SDK1: variants seen among roughly 807,000 people sequenced by gnomAD.
SDK1 encodes the protein protein sidekick-1.
A neutral mutation model predicts 245.5 loss-of-function variants in SDK1; 157 were observed. The ratio of observed to expected loss-of-function variants is 0.64; its 90% CI spans 0.56 to 0.73. SDK1 has a LOEUF of 0.73. Ranked by LOEUF, SDK1 falls within the 30% of genes least tolerant of loss-of-function variation. The probability of loss-of-function intolerance (pLI) is 0.00; values close to 1 mark genes in which losing one functional copy is unlikely to be tolerated. For synonymous variants in SDK1, 1,647 were observed against 1,278.5 expected, an observed-to-expected ratio of 1.29 and a Z score of -6.15; for missense variants, 3,583 against 3,002.3, an observed-to-expected ratio of 1.19 and a Z score of -4.52.
intron 1 of SDK1, among the ~76,000 whole-genome samples, chr7:3,313,555 A>G (rs1186569745): frequency 6.6e-6 from 1 of 152,192 alleles, no homozygotes; most frequent in Non-Finnish European, 1.5e-5. Flanking sequence ...GCATTGTTGC[A>G]ATGTGCCCCT....
At chr7:3,431,126 C>A (rs972042303) in intron 1 of SDK1, among the ~76,000 whole-genome samples, 20 of 152,256 alleles carry the variant, frequency 1.3e-4, no homozygotes, top group African/African-American at 4.3e-4. Context: ...GTCTCAAACT[C>A]CTGAGCTCAA....
At chr7:3,478,975 A>G (rs1460023243) in intron 1 of SDK1, among the ~76,000 whole-genome samples, 3 of 152,140 alleles carry the variant, frequency 2.0e-5, no homozygotes, top group African/African-American at 7.2e-5. Flanking sequence ...AAATGTCATA[A>G]TGTTTTTTGA....
rs555087995 is a variant in SDK1, at chr7:4,245,586, C to A, written c.6252-90C>A. The A allele has an allele frequency of 4.7e-6, 7 of 1,474,006 alleles. No individual in the cohort carries two copies. In the African/African-American group the frequency reaches 5.6e-5, roughly 12 times the overall value. 91.3% of individuals were successfully genotyped at this position (1,474,006 alleles called of 1,614,324 possible). On this transcript the variant is annotated intron_variant, in intron 43 of 44. Coordinates refer to ENST00000404826, the MANE Select transcript of SDK1 (RefSeq NM_152744.4). ...GGCTGTGGGTTTCCTCTTAGTCCAA[C>A]GCAATAAAGGCCAAATGCCAGGTTA... is the stretch of plus-strand genomic sequence containing the variant.
chr7:3,367,436 A>T (rs1013002546), intron 1 of SDK1, among the ~76,000 whole-genome samples: 7 of 152,238 alleles, frequency 4.6e-5, no homozygotes, highest in African/African-American at 1.7e-4. Context: ...ACAGGGCATC[A>T]TTCCAGGTCC....
chr7:3,443,714 GCTCT>G (rs1254650629), intron 1 of SDK1, among the ~76,000 whole-genome samples: 1 of 152,176 alleles, frequency 6.6e-6, no homozygotes, highest in Non-Finnish European at 1.5e-5. Context: ...GTTAAATTCA[GCTCT>G]GAGTGACCTT....
intron 5 of SDK1, among the ~76,000 whole-genome samples, chr7:3,903,795 T>A (rs1397283678): frequency 6.6e-6 from 1 of 152,104 alleles, no homozygotes; most frequent in Non-Finnish European, 1.5e-5. Flanking sequence ...ATGGGAGGTG[T>A]TTGGGTCACG....
chr7:4,097,476 G>A (rs1782227421), intron 22 of SDK1, among the ~76,000 whole-genome samples: 1 of 152,228 alleles, frequency 6.6e-6, no homozygotes, highest in African/African-American at 2.4e-5. Flanking sequence ...TGAGCAGGTG[G>A]ACAGGGCATC....
At chr7:3,875,743 T>C (rs1781060347) in intron 5 of SDK1, among the ~76,000 whole-genome samples, 1 of 152,192 alleles carries the variant, frequency 6.6e-6, no homozygotes, top group Non-Finnish European at 1.5e-5. Flanking sequence ...TTTCTGGAAC[T>C]AGCAGAGGTG....
intron 5 of SDK1, among the ~76,000 whole-genome samples, chr7:3,940,281 C>T (rs565082623): frequency 3.5e-4 from 53 of 152,348 alleles, no homozygotes; most frequent in African/African-American, 1.2e-3. Flanking sequence ...AATATCTAAA[C>T]GTGCTTTGCG....
At chr7:3,738,205 GTTTTGAGTTAATTT>G (rs552926426) in intron 4 of SDK1, among the ~76,000 whole-genome samples, 21 of 152,254 alleles carry the variant, frequency 1.4e-4, no homozygotes, top group Non-Finnish European at 2.2e-4. Flanking sequence ...TCTTTGTTCT[GTTTTGAGTTAATTT>G]TTGTATGTGG....
intron 1 of SDK1, among the ~76,000 whole-genome samples, chr7:3,461,332 T>C (rs1213826263): frequency 1.3e-5 from 2 of 152,184 alleles, no homozygotes; most frequent in Non-Finnish European, 2.9e-5. Context: ...CTTTGTCTGT[T>C]TGATATAGCT....
At chr7:3,622,449 C>G (rs555795548) in intron 2 of SDK1, among the ~76,000 whole-genome samples, 1 of 152,238 alleles carries the variant, frequency 6.6e-6, no homozygotes, top group Admixed American at 6.5e-5. Flanking sequence ...CCACTGCACT[C>G]CAGCCTGGGC....
At position 4,267,562 on chromosome 7, in the gene SDK1, C is replaced by T. The variant is rs1026832628; in HGVS notation, c.*2178C>T. 3 of 985,340 alleles carry T rather than the reference C, an allele frequency of 3.0e-6. No homozygotes were observed. The highest frequency in any genetic ancestry group is 3.5e-5 in the African/African-American group (2 of 57,236). 61.0% of individuals were successfully genotyped at this position (985,340 alleles called of 1,614,324 possible). A position where few individuals can be genotyped will look rare whatever the true frequency, so the allele number is the denominator to read the frequency against. ...GCACTGGAATTTCTTGGAAGAGAAG[C>T]GATAAATGGAGACCATGGCCAGCGC... On this transcript the variant is annotated 3_prime_UTR_variant, in exon 45 of 45. Coordinates refer to ENST00000404826, the MANE Select transcript of SDK1 (RefSeq NM_152744.4).
intron 22 of SDK1, among the ~76,000 whole-genome samples, chr7:4,099,645 C>T (rs934491984): frequency 7.2e-6 from 1 of 139,616 alleles, no homozygotes; most frequent in African/African-American, 2.7e-5. Flanking sequence ...AACTGGCTCA[C>T]CCTGGGAGGG....
At chr7:3,358,451 T>C (rs1780866950) in intron 1 of SDK1, among the ~76,000 whole-genome samples, 1 of 152,148 alleles carries the variant, frequency 6.6e-6, no homozygotes, top group Non-Finnish European at 1.5e-5. Flanking sequence ...TTTCTTGTTT[T>C]GTTTTTCTCT....
At chr7:4,077,791 G>T (rs868175377) in intron 21 of SDK1, among the ~76,000 whole-genome samples, 1 of 152,178 alleles carries the variant, frequency 6.6e-6, no homozygotes, top group African/African-American at 2.4e-5. Context: ...CCATGATTCA[G>T]TTACCTCCCA....
At chr7:3,987,097 A>C in intron 13 of SDK1, 89 bp from the exon 14 acceptor site, 4 of 1,305,362 alleles carry the variant, frequency 3.1e-6, no homozygotes, top group Non-Finnish European at 4.4e-6. Flanking sequence ...AACATGACAC[A>C]GCAGGACGGT....
chr7:3,621,971 A>C (rs1050413160), intron 2 of SDK1, among the ~76,000 whole-genome samples: 1 of 152,190 alleles, frequency 6.6e-6, no homozygotes, highest in African/African-American at 2.4e-5. Context: ...GAGATATTCA[A>C]CAGTTTATTA....
chr7:3,306,169 T>A (rs1317983910), intron 1 of SDK1, among the ~76,000 whole-genome samples: 1 of 152,216 alleles, frequency 6.6e-6, no homozygotes, highest in African/African-American at 2.4e-5. Flanking sequence ...TAATCTGACC[T>A]CAAGTTTTAG....
Sources: gnomAD v4.1 joint callset for allele counts (sites outside exome capture counted in the v4.1 genomes callset) on GRCh38, gnomAD v4.1.1 for gene constraint, MANE v1.5 for transcripts, NCBI Gene and HGNC (gene_info 2026-07-23, HGNC 2026-07-21) for gene names.